PAWR: variants seen among roughly 807,000 people sequenced by gnomAD.
PAWR encodes the protein PRKC apoptosis WT1 regulator protein.
Under a neutral mutation model 32.0 loss-of-function variants are expected in PAWR, and 23 were observed. The observed-to-expected ratio is 0.72, with a 90% CI of 0.52 to 1.02. PAWR has a LOEUF of 1.02. PAWR is among the 50% of genes least tolerant of loss of function. PAWR has a pLI of 0.00. For missense variants in PAWR, 457 were observed against 437.7 expected (o/e 1.04, Z -0.39); for synonymous variants, 226 against 187.1 (o/e 1.21, Z -1.70).
At chr12:79,594,526 T>C in intron 5 of PAWR, 93 bp from the exon 6 acceptor site, 1 of 638,954 alleles carries the variant, frequency 1.6e-6, no homozygotes, top group Non-Finnish European at 2.7e-6. Context: ...TGGTAAAATA[T>C]CTTACATACA....
intron 2 of PAWR, among the ~76,000 whole-genome samples, chr12:79,654,621 ATAAG>A (rs573817467): frequency 8.1e-4 from 124 of 152,350 alleles, no homozygotes; most frequent in African/African-American, 3.0e-3. Context: ...CTGGGTAATT[ATAAG>A]TAAGAGGTTT....
Position 79,594,665 on chromosome 12 carries a change from A to G in PAWR, c.832-232T>C, listed in dbSNP as rs1337228870. 2.0e-5 allele frequency among the ~76,000 whole-genome samples: 3 copies of G among 152,124 alleles called. No individual in the cohort carries two copies. The East Asian group carries it at 5.8e-4, about 29-fold the overall frequency. On this transcript the variant is annotated intron_variant, in intron 5 of 6. Transcript: ENST00000328827. ...AAAGCTATGTTTATACAAGTCTTTAACAAAACTAATGTAATAGACTCAATG... is the reference window on the plus strand; with the variant it reads ...AAAGCTATGTTTATACAAGTCTTTAGCAAAACTAATGTAATAGACTCAATG...
At chr12:79,651,314 A>G (rs1162338050) in intron 2 of PAWR, among the ~76,000 whole-genome samples, 1 of 152,240 alleles carries the variant, frequency 6.6e-6, no homozygotes, top group Admixed American at 6.5e-5. Context: ...AGAAATACAA[A>G]CACCTAGCAA....
intron 2 of PAWR, among the ~76,000 whole-genome samples, chr12:79,651,175 T>C (rs1373432667): frequency 6.6e-6 from 1 of 152,178 alleles, no homozygotes; most frequent in Non-Finnish European, 1.5e-5. Flanking sequence ...CATAATCACA[T>C]AAATAAAAAT....
chr12:79,617,262 G>T (rs978437269), intron 3 of PAWR, among the ~76,000 whole-genome samples: 179 of 152,296 alleles, frequency 1.2e-3, no homozygotes, highest in African/African-American at 4.2e-3. Flanking sequence ...TGAGACAGGA[G>T]AATTGCTTTA....
intron 2 of PAWR, among the ~76,000 whole-genome samples, chr12:79,656,953 T>A (rs1319486153): frequency 1.3e-5 from 2 of 151,678 alleles, no homozygotes; most frequent in African/African-American, 4.8e-5. Flanking sequence ...CCAAGGTAGC[T>A]AGTTTTCAGG....
chr12:79,652,406 G>A (rs1301575701), intron 2 of PAWR, among the ~76,000 whole-genome samples: 1 of 152,122 alleles, frequency 6.6e-6, no homozygotes, highest in Non-Finnish European at 1.5e-5. Context: ...AATATACCCT[G>A]CAATACAGAC....
chr12:79,605,091 A>G (rs1423847899), intron 4 of PAWR, among the ~76,000 whole-genome samples: 1 of 152,058 alleles, frequency 6.6e-6, no homozygotes, highest in Non-Finnish European at 1.5e-5. Flanking sequence ...TTTTTGTAAT[A>G]TGTTCTCTCC....
At chr12:79,644,845 G>A (rs1876494816) in intron 2 of PAWR, among the ~76,000 whole-genome samples, 1 of 152,072 alleles carries the variant, frequency 6.6e-6, no homozygotes, top group African/African-American at 2.4e-5. Flanking sequence ...AGTGAACTCA[G>A]ACACCTCAGA....
At chr12:79,609,353 T>G (rs552955740) in intron 4 of PAWR, among the ~76,000 whole-genome samples, 14 of 152,128 alleles carry the variant, frequency 9.2e-5, no homozygotes, top group Non-Finnish European at 1.9e-4. Context: ...AGTTGTAACA[T>G]CACATATGGA....
chr12:79,637,797 CTAT>C lies in PAWR; in HGVS notation c.517-16593_517-16591del, dbSNP rs2136761563. On this transcript the variant is annotated intron_variant, in intron 2 of 6. Transcript: ENST00000328827. ...ATTTAAAACGTACAAATTTTCAAAA[CTAT>C]TAACATCTTAAAAAAAAGAAAAAAG... Among the ~76,000 whole-genome samples, 3 of 151,984 alleles carry C rather than the reference CTAT, an allele frequency of 2.0e-5. No individual in the cohort carries two copies. The South Asian group carries it at 6.2e-4, about 32-fold the overall frequency.
chr12:79,671,101 C>G (rs1179654654), intron 2 of PAWR, among the ~76,000 whole-genome samples: 1 of 82,000 alleles, frequency 1.2e-5, no homozygotes, highest in East Asian at 3.1e-4. Context: ...CTAGCCTGGG[C>G]AAAAAGCAAG....
chr12:79,615,783 G>T (rs1460343020), intron 3 of PAWR, among the ~76,000 whole-genome samples: 1 of 152,134 alleles, frequency 6.6e-6, no homozygotes, highest in Non-Finnish European at 1.5e-5. Context: ...CCAGCTGGGT[G>T]CAGTGGCTCA....
At chr12:79,680,203 A>G (rs922664112) in intron 2 of PAWR, among the ~76,000 whole-genome samples, 2 of 152,242 alleles carry the variant, frequency 1.3e-5, no homozygotes, top group Admixed American at 1.3e-4. Context: ...AGAAATGCTC[A>G]GCAGGCACAG....
intron 4 of PAWR, among the ~76,000 whole-genome samples, chr12:79,612,274 A>G (rs1384082915): frequency 6.6e-6 from 1 of 152,158 alleles, no homozygotes; most frequent in Non-Finnish European, 1.5e-5. Context: ...CTCATGTGCC[A>G]GAAACTACTT....
At chr12:79,604,322 C>T in intron 4 of PAWR, 4 of 1,004,544 alleles carry the variant, frequency 4.0e-6, no homozygotes, top group Non-Finnish European at 4.7e-6. Flanking sequence ...AAGATAAATG[C>T]CACCCCTTAC....
At chr12:79,681,426 T>C (rs1348462640) in intron 2 of PAWR, among the ~76,000 whole-genome samples, 2 of 152,054 alleles carry the variant, frequency 1.3e-5, no homozygotes, top group Non-Finnish European at 1.5e-5. Context: ...TACTGCAGCC[T>C]GGGGAACAAG....
chr12:79,609,981 G>C (rs1196953883), intron 4 of PAWR, among the ~76,000 whole-genome samples: 1 of 152,146 alleles, frequency 6.6e-6, no homozygotes, highest in African/African-American at 2.4e-5. Flanking sequence ...TTCCTGCCAG[G>C]GTCCAAAAGC....
At chr12:79,663,520 A>T (rs1030027406) in intron 2 of PAWR, among the ~76,000 whole-genome samples, 2 of 152,162 alleles carry the variant, frequency 1.3e-5, no homozygotes, top group African/African-American at 4.8e-5. Context: ...CACCGTGGGA[A>T]GCTGAGGCAG....
Sources: allele counts gnomAD v4.1 joint callset (sites outside exome capture counted in the v4.1 genomes callset), GRCh38; gene constraint gnomAD v4.1.1; transcripts MANE v1.5; gene names NCBI Gene and HGNC (gene_info 2026-07-23, HGNC 2026-07-21).